The following TMEM170B variants were observed in gnomAD, a reference collection of about 807,000 sequenced individuals.
The protein encoded by TMEM170B is transmembrane protein 170B.
TMEM170B carries 6 observed loss-of-function variants against 13.0 expected under a neutral mutation model. The observed-to-expected ratio is 0.46, with a 90% CI of 0.25 to 0.91. TMEM170B has a LOEUF of 0.91. TMEM170B is among the 40% of genes least tolerant of loss of function. The pLI, the probability that TMEM170B is intolerant of heterozygous loss-of-function variation, is 0.17. For synonymous variants in TMEM170B, 61 were observed against 64.9 expected, an observed-to-expected ratio of 0.94 and a Z score of 0.29; for missense variants, 138 against 165.2, an observed-to-expected ratio of 0.84 and a Z score of 0.90.
intron 1 of TMEM170B, among the ~76,000 whole-genome samples, chr6:11,538,710 A>ACCCTCCTC (rs961261890): frequency 6.6e-6 from 1 of 150,894 alleles, no homozygotes; most frequent in East Asian, 1.9e-4. Flanking sequence ...TTATTCCATT[A>ACCCTCCTC]CCCTCCTCCC....
chr6:11,569,156 T>C (rs190606559), intron 2 of TMEM170B, among the ~76,000 whole-genome samples: 46 of 152,212 alleles, frequency 3.0e-4, no homozygotes, highest in African/African-American at 1.1e-3. Flanking sequence ...TATTCTTGTT[T>C]CCTTTTTATT....
At chr6:11,547,901 TG>T (rs1759462070) in intron 1 of TMEM170B, among the ~76,000 whole-genome samples, 1 of 152,228 alleles carries the variant, frequency 6.6e-6, no homozygotes, top group South Asian at 2.1e-4. Flanking sequence ...TATTTATCTT[TG>T]TTTAGTGTTT....
In TMEM170B at chr6:11,582,019, G is replaced by T. The variant is rs1343600065; in HGVS notation, c.*6458G>T. 3 of 152,096 alleles carry T rather than the reference G, an allele frequency of 2.0e-5. No homozygotes were observed. Among genetic ancestry groups the T allele is most frequent in the African/African-American group, 7.2e-5 (3 of 41,418 alleles). 9.4% of individuals were successfully genotyped at this position (152,096 alleles called of 1,614,324 possible). Reference sequence around the variant, plus strand: ...CTCACCAATACACACATTCAGACTTGAGCTGCACGCATTTAGATGAACAAA... The same window carrying T: ...CTCACCAATACACACATTCAGACTTTAGCTGCACGCATTTAGATGAACAAA... On this transcript the variant is annotated 3_prime_UTR_variant, in exon 3 of 3. Coordinates refer to ENST00000379426, the MANE Select transcript of TMEM170B (RefSeq NM_001100829.3).
At chr6:11,557,956 C>T (rs1406273576) in intron 1 of TMEM170B, among the ~76,000 whole-genome samples, 1 of 152,130 alleles carries the variant, frequency 6.6e-6, no homozygotes, top group African/African-American at 2.4e-5. Context: ...ATTGCCCAGG[C>T]TGGAGTGCAG....
intron 2 of TMEM170B, among the ~76,000 whole-genome samples, chr6:11,569,062 T>C (rs1759767855): frequency 1.3e-5 from 2 of 152,170 alleles, no homozygotes; most frequent in African/African-American, 4.8e-5. Context: ...ATTAGTGAAT[T>C]TGAGCATCTC....
At position 11,575,408 on chromosome 6, in the gene TMEM170B, A is replaced by C. The variant is rs774604073; in HGVS notation, c.269-23A>C. On this transcript the variant is annotated intron_variant, in intron 2 of 2. Transcript: ENST00000379426. The surrounding 1 kb of genome is among the most constrained non-coding windows in gnomAD (Gnocchi z 4.1). Reference sequence around the variant, plus strand: ...ATAAAACGAGTGACTGTATCCCTTCATTTTTCTCCCGTTTCTCCTTAGGTG... The same window carrying C: ...ATAAAACGAGTGACTGTATCCCTTCCTTTTTCTCCCGTTTCTCCTTAGGTG... 1 of 1,612,844 alleles carries C rather than the reference A, an allele frequency of 6.2e-7. No individual in the cohort carries two copies. The highest frequency in any genetic ancestry group is 8.5e-7 in the Non-Finnish European group (1 of 1,179,192).
chr6:11,575,024 A>G lies in TMEM170B; in HGVS notation c.269-407A>G, dbSNP rs1390231471. 2.0e-5 allele frequency among the ~76,000 whole-genome samples: 3 copies of G among 152,018 alleles called. No homozygotes were observed. The highest frequency in any genetic ancestry group is 1.9e-4 in the East Asian group (1 of 5,200). On this transcript the variant is annotated intron_variant, in intron 2 of 2. Coordinates refer to ENST00000379426, the MANE Select transcript of TMEM170B (RefSeq NM_001100829.3). This position sits in a 1 kb window ranked among gnomAD's most constrained non-coding sequence, Gnocchi z 4.1. ...ATTAATAATTTAGAAATTACATTAA[A>G]TTATGTTATTTTTCTGCATTATCAC...
intron 1 of TMEM170B, among the ~76,000 whole-genome samples, chr6:11,557,811 T>C (rs1213497160): frequency 6.6e-6 from 1 of 152,228 alleles, no homozygotes; most frequent in African/African-American, 2.4e-5. Flanking sequence ...CTCCTAAATA[T>C]TTCTCAAATT....
intron 1 of TMEM170B, among the ~76,000 whole-genome samples, chr6:11,555,587 CAT>C (rs1759577016): frequency 6.6e-6 from 1 of 152,028 alleles, no homozygotes; most frequent in African/African-American, 2.4e-5. Context: ...GAAATTGTGC[CAT>C]ATCTTTTTTT....
rs971750238 is a variant in TMEM170B, at chr6:11,576,946, G to A, written c.*1385G>A. 1.3e-5 allele frequency: 2 copies of A among 152,074 alleles called. No homozygotes were observed. Among genetic ancestry groups the A allele is most frequent in the African/African-American group, 2.4e-5 (1 of 41,424 alleles). 9.4% of individuals were successfully genotyped at this position (152,074 alleles called of 1,614,324 possible). On this transcript the variant is annotated 3_prime_UTR_variant, in exon 3 of 3. Coordinates refer to ENST00000379426, the MANE Select transcript of TMEM170B (RefSeq NM_001100829.3). ...TAATTGTAAGAGTATAGGAAGTAGGGTTGAACTGGTCTCCTAATGAGATTT... is the reference window on the plus strand; with the variant it reads ...TAATTGTAAGAGTATAGGAAGTAGGATTGAACTGGTCTCCTAATGAGATTT...
chr6:11,571,551 T>C (rs1295827057), intron 2 of TMEM170B, among the ~76,000 whole-genome samples: 1 of 152,196 alleles, frequency 6.6e-6, no homozygotes, highest in Non-Finnish European at 1.5e-5. Flanking sequence ...TTATTTCTAA[T>C]TGATCATGTT....
In TMEM170B at chr6:11,538,020, G is replaced by C. The variant is rs1286205883; in HGVS notation, c.-258G>C. ...GGGGGCCGCGCGAGGACGGCGCCCGGCCCCCTCCCCTCCTTCCTCCGTCCG... is the reference window on the plus strand; with the variant it reads ...GGGGGCCGCGCGAGGACGGCGCCCGCCCCCCTCCCCTCCTTCCTCCGTCCG... On this transcript the variant is annotated 5_prime_UTR_variant, in exon 1 of 3. Transcript: ENST00000379426. 6.6e-6 allele frequency among the ~76,000 whole-genome samples: 1 copy of C among 151,062 alleles called. No homozygotes were observed. The highest frequency in any genetic ancestry group is 1.5e-5 in the Non-Finnish European group (1 of 67,558).
At chr6:11,559,197 CT>C (rs754732208) in intron 1 of TMEM170B, among the ~76,000 whole-genome samples, 3,398 of 139,754 alleles carry the variant, frequency 0.024, 145 homozygotes, top group African/African-American at 0.08. Flanking sequence ...CTTTTCTTTT[CT>C]TTTTTTTTTT....
At chr6:11,548,510 C>G (rs1561907706) in intron 1 of TMEM170B, among the ~76,000 whole-genome samples, 6 of 152,196 alleles carry the variant, frequency 3.9e-5, no homozygotes, top group African/African-American at 1.2e-4. Flanking sequence ...TTGTGGAAAA[C>G]TGTGGCGATT....
chr6:11,542,690 AT>A (rs1488058371), intron 1 of TMEM170B, among the ~76,000 whole-genome samples: 2 of 152,126 alleles, frequency 1.3e-5, no homozygotes, highest in Admixed American at 6.5e-5. Flanking sequence ...TTCTGATGGG[AT>A]TCATTGTGGC....
chr6:11,562,055 G>A (rs1175940959), intron 1 of TMEM170B, among the ~76,000 whole-genome samples: 4 of 152,130 alleles, frequency 2.6e-5, no homozygotes, highest in Non-Finnish European at 5.9e-5. Context: ...TTAAATGGGC[G>A]TGAGGTACAA....
rs1227951936 is a variant in TMEM170B at position 11,579,651 on chromosome 6, G to A, written c.*4090G>A. ...TAAGAACCTTTTGTGAATTGGTGGT[G>A]GTGGAAATGGCCAGTGCAAGCAGGA... is the stretch of plus-strand genomic sequence containing the variant. On this transcript the variant is annotated 3_prime_UTR_variant, in exon 3 of 3. Transcript: ENST00000379426. 1.3e-5 allele frequency: 2 copies of A among 152,122 alleles called. No homozygotes were observed. Among genetic ancestry groups the A allele is most frequent in the Non-Finnish European group, 2.9e-5 (2 of 68,028 alleles). 9.4% of individuals were successfully genotyped at this position (152,122 alleles called of 1,614,324 possible). A position where few individuals can be genotyped will look rare whatever the true frequency, so the allele number is the denominator to read the frequency against.
intron 1 of TMEM170B, among the ~76,000 whole-genome samples, chr6:11,546,408 T>C (rs1759441708): frequency 6.6e-6 from 1 of 152,182 alleles, no homozygotes; most frequent in African/African-American, 2.4e-5. Context: ...TACAGTAAGC[T>C]AAGGTTAATT....
Position 11,565,818 on chromosome 6 carries a change from A to G in TMEM170B, c.250A>G (p.Thr84Ala). 3.1e-6 allele frequency: 5 copies of G among 1,614,146 alleles called. No homozygotes were observed. Among genetic ancestry groups the G allele is most frequent in the South Asian group, 1.1e-5 (1 of 91,086 alleles). Residue 84 changes from threonine (T) to alanine (A), a missense_variant, in exon 2 of 3, where the codon ACT becomes GCT. Physicochemically the swap from Thr to Ala is moderately conservative, Grantham distance 58. Transcript: ENST00000379426. ...AVSIGFLASV[T>A]GAMITSAAVA... is the part of the protein sequence containing the mutation. Reference sequence around the variant, plus strand: ...CAGCATTGGATTTCTGGCTTCTGTAACTGGAGCGATGATTACCAGTAAGTT... The same window carrying G: ...CAGCATTGGATTTCTGGCTTCTGTAGCTGGAGCGATGATTACCAGTAAGTT...
Sources: gnomAD v4.1 joint callset for allele counts (sites outside exome capture counted in the v4.1 genomes callset) on GRCh38, gnomAD v4.1.1 for gene constraint, Gnocchi (gnomAD v3.1) non-coding constraint, MANE v1.5 for transcripts, NCBI Gene and HGNC (gene_info 2026-07-23, HGNC 2026-07-21) for gene names.